ATF7IP: variants seen among roughly 807,000 people sequenced by gnomAD.
The protein encoded by ATF7IP is activating transcription factor 7-interacting protein 1.
ATF7IP carries 23 observed loss-of-function variants against 106.4 expected under a neutral mutation model. That is an observed-to-expected ratio of 0.22 (90% CI 0.16 to 0.31). ATF7IP has a LOEUF of 0.31. Ranked by LOEUF, ATF7IP falls within the 10% of genes least tolerant of loss-of-function variation. The pLI, the probability that ATF7IP is intolerant of heterozygous loss-of-function variation, is 1.00. For missense variants in ATF7IP, 1,334 were observed against 1,524.3 expected (o/e 0.88, Z 2.08); for synonymous variants, 542 against 539.0 (o/e 1.01, Z -0.08).
At chr12:14,397,327 GA>G (rs1353522799) in intron 1 of ATF7IP, among the ~76,000 whole-genome samples, 1 of 152,168 alleles carries the variant, frequency 6.6e-6, no homozygotes, top group Non-Finnish European at 1.5e-5. Context: ...TTTTAAGAAA[GA>G]AAATGTATTT....
chr12:14,393,962 T>C (rs1014759771), intron 1 of ATF7IP, among the ~76,000 whole-genome samples: 8 of 152,184 alleles, frequency 5.3e-5, no homozygotes, highest in African/African-American at 1.9e-4. Context: ...GAAAAGAATG[T>C]GGCACAGACA....
At chr12:14,475,663 C>T (rs1420486586) in intron 10 of ATF7IP, among the ~76,000 whole-genome samples, 4 of 151,914 alleles carry the variant, frequency 2.6e-5, no homozygotes, top group African/African-American at 4.8e-5. Context: ...TTTAAGAAAA[C>T]GTCTTGAATT....
intron 12 of ATF7IP, among the ~76,000 whole-genome samples, chr12:14,479,352 A>G (rs796398820): frequency 4.6e-5 from 7 of 152,316 alleles, no homozygotes; most frequent in African/African-American, 1.4e-4. Flanking sequence ...AAGAAGCTGT[A>G]AATTCAAAAT....
At chr12:14,402,550 TAAGAC>T (rs887405176) in intron 1 of ATF7IP, among the ~76,000 whole-genome samples, 1 of 151,950 alleles carries the variant, frequency 6.6e-6, no homozygotes, top group African/African-American at 2.4e-5. Flanking sequence ...TAATATTTCA[TAAGAC>T]AGTTCTAATA....
chr12:14,453,413 C>G lies in ATF7IP; in HGVS notation c.1996-3148C>G, dbSNP rs1032131472. 5.9e-5 allele frequency among the ~76,000 whole-genome samples: 9 copies of G among 152,128 alleles called. 1 individual carries two copies. The highest frequency in any genetic ancestry group is 7.4e-5 in the Non-Finnish European group (5 of 68,024). On this transcript the variant is annotated intron_variant, in intron 6 of 14. Coordinates refer to ENST00000261168, the MANE Select transcript of ATF7IP (RefSeq NM_018179.5). Reference sequence around the variant, plus strand: ...CTCTGGCTTGATAATTTCAAATGACCTGTCTTCAAACTTGTGGACTTATTT... The same window carrying G: ...CTCTGGCTTGATAATTTCAAATGACGTGTCTTCAAACTTGTGGACTTATTT...
Position 14,424,993 on chromosome 12 carries a change from T to G in ATF7IP, c.1078T>G (p.Cys360Gly), listed in dbSNP as rs1403395509. The change falls in exon 2 of 15, where the codon TGT becomes GGT. Residue 360 changes from cysteine (C) to glycine (G), a missense_variant. Coordinates refer to ENST00000261168, the MANE Select transcript of ATF7IP (RefSeq NM_018179.5). ...TCTAGAAACAGATGATACAACTATTTGTTCAGATCGACCTCCTGAAAATGA... is the reference window on the plus strand; with the variant it reads ...TCTAGAAACAGATGATACAACTATTGGTTCAGATCGACCTCCTGAAAATGA... ...ETLETDDTTI[C>G]SDRPPENEKK... is the part of the protein sequence containing the mutation. 6.2e-7 allele frequency: 1 copy of G among 1,610,982 alleles called. No homozygotes were observed. Among genetic ancestry groups the G allele is most frequent in the Non-Finnish European group, 8.5e-7 (1 of 1,179,300 alleles).
intron 13 of ATF7IP, among the ~76,000 whole-genome samples, chr12:14,489,138 C>T (rs34860659): frequency 0.02 from 3,077 of 152,260 alleles, 35 homozygotes; most frequent in Middle Eastern, 0.031. Flanking sequence ...TTTAGTGCTG[C>T]CTAGATTGGG....
chr12:14,478,255 G>C, intron 11 of ATF7IP, 62 bp from the exon 12 acceptor site: 2 of 1,542,176 alleles, frequency 1.3e-6, no homozygotes, highest in Non-Finnish European at 1.8e-6. Flanking sequence ...GTCCATAGAG[G>C]AAAGACTTGT....
intron 1 of ATF7IP, among the ~76,000 whole-genome samples, chr12:14,415,374 G>A (rs748615035): frequency 3.9e-5 from 6 of 152,102 alleles, no homozygotes; most frequent in Non-Finnish European, 8.8e-5. Context: ...TGAAAACATA[G>A]CACTGAATGC....
intron 10 of ATF7IP, among the ~76,000 whole-genome samples, chr12:14,472,853 A>G (rs914294078): frequency 6.6e-6 from 1 of 152,096 alleles, no homozygotes; most frequent in African/African-American, 2.4e-5. Flanking sequence ...CTCTTCTCAC[A>G]TTGCTAAAAT....
chr12:14,429,274 C>T (rs767667424), intron 2 of ATF7IP, among the ~76,000 whole-genome samples: 8 of 152,134 alleles, frequency 5.3e-5, no homozygotes, highest in Non-Finnish European at 1.2e-4. Flanking sequence ...CTTGGATGAC[C>T]TCTTAATAAC....
intron 6 of ATF7IP, among the ~76,000 whole-genome samples, chr12:14,455,382 C>T (rs1943385166): frequency 6.6e-6 from 1 of 151,984 alleles, no homozygotes; most frequent in African/African-American, 2.4e-5. Context: ...TTGTTTTTCC[C>T]TCTACACGTA....
At chr12:14,428,940 T>C (rs575622086) in intron 2 of ATF7IP, among the ~76,000 whole-genome samples, 4 of 152,330 alleles carry the variant, frequency 2.6e-5, no homozygotes, top group African/African-American at 9.6e-5. Context: ...TCACTAATTA[T>C]TAAAATGATA....
At position 14,481,290 on chromosome 12, in the gene ATF7IP, A is replaced by G. The variant is rs1397929638; in HGVS notation, c.3280+105A>G. 6 of 1,004,292 alleles carry G rather than the reference A, an allele frequency of 6.0e-6. No individual in the cohort carries two copies. The African/African-American group carries it at 8.1e-5, about 14-fold the overall frequency. 62.2% of individuals were successfully genotyped at this position (1,004,292 alleles called of 1,614,324 possible). A position where few individuals can be genotyped will look rare whatever the true frequency, so the allele number is the denominator to read the frequency against. ...TTAAATTTTGCAAAAATTTCTTATA[A>G]TGTCATATTAAAAGTATTGTTATAA... is the stretch of plus-strand genomic sequence containing the variant. On this transcript the variant is annotated intron_variant, in intron 13 of 14. Transcript: ENST00000261168.
chr12:14,485,622 C>G (rs1176331790), intron 13 of ATF7IP, among the ~76,000 whole-genome samples: 6 of 152,158 alleles, frequency 3.9e-5, no homozygotes, highest in Admixed American at 3.3e-4. Flanking sequence ...AGAGTTGATA[C>G]ACCCCTGAGG....
chr12:14,381,012 G>A (rs1025578984), intron 1 of ATF7IP, among the ~76,000 whole-genome samples: 8 of 152,134 alleles, frequency 5.3e-5, no homozygotes, highest in Non-Finnish European at 8.8e-5. Flanking sequence ...TTTGGTAAAG[G>A]CTTCTAAGGT....
At chr12:14,415,313 G>T (rs929153110) in intron 1 of ATF7IP, among the ~76,000 whole-genome samples, 1 of 152,190 alleles carries the variant, frequency 6.6e-6, no homozygotes, top group Non-Finnish European at 1.5e-5. Context: ...ACTTGGAGAA[G>T]TAATTTTAAG....
At chr12:14,407,111 A>G (rs929421190) in intron 1 of ATF7IP, among the ~76,000 whole-genome samples, 8 of 152,182 alleles carry the variant, frequency 5.3e-5, no homozygotes, top group African/African-American at 1.9e-4. Flanking sequence ...TATAATTTTT[A>G]TATTAAGTGT....
At chr12:14,439,612 C>T (rs773015860) in intron 5 of ATF7IP, among the ~76,000 whole-genome samples, 16 of 152,150 alleles carry the variant, frequency 1.1e-4, no homozygotes, top group Non-Finnish European at 1.5e-4. Context: ...AGGTGAATCT[C>T]TTGAGTCTAG....
Sources: allele counts gnomAD v4.1 joint callset (sites outside exome capture counted in the v4.1 genomes callset), GRCh38; gene constraint gnomAD v4.1.1; transcripts MANE v1.5; gene names NCBI Gene and HGNC (gene_info 2026-07-23, HGNC 2026-07-21).